Variants in RYR2 observed in about 807,000 individuals in gnomAD.
The protein encoded by RYR2 is ryanodine receptor 2, also known as cardiac muscle ryanodine receptor-calcium release channel.
A neutral mutation model predicts 601.1 loss-of-function variants in RYR2; 227 were observed. That is an observed-to-expected ratio of 0.38 (90% CI 0.34 to 0.42). The LOEUF (loss-of-function observed/expected upper bound fraction) is 0.42, where lower values mean the gene tolerates loss of function less well. Ranked by LOEUF, RYR2 falls within the 10% of genes least tolerant of loss-of-function variation. The probability of loss-of-function intolerance (pLI) is 1.00; values close to 1 mark genes in which losing one functional copy is unlikely to be tolerated. For missense variants in RYR2, 4,646 were observed against 6,156.5 expected, an observed-to-expected ratio of 0.75 and a Z score of 8.21; for synonymous variants, 2,223 against 2,175.1, an observed-to-expected ratio of 1.02 and a Z score of -0.61.
intron 80 of RYR2, among the ~76,000 whole-genome samples, chr1:237,747,785 G>C (rs958716307): frequency 2.0e-5 from 3 of 152,084 alleles, no homozygotes; most frequent in African/African-American, 7.2e-5. Flanking sequence ...AAAAATTAAA[G>C]ATATAGCTAC....
chr1:237,251,062 GTA>G (rs1491435765), intron 1 of RYR2, among the ~76,000 whole-genome samples: 3,205 of 76,650 alleles, frequency 0.042, 138 homozygotes, highest in East Asian at 0.33. Context: ...GTGTGTGTGT[GTA>G]TGCATATAGA....
intron 12 of RYR2, among the ~76,000 whole-genome samples, chr1:237,430,916 G>C (rs1706741119): frequency 6.6e-6 from 1 of 152,164 alleles, no homozygotes; most frequent in Non-Finnish European, 1.5e-5. Context: ...TGTGATTTCT[G>C]CTCAGGGATT....
intron 35 of RYR2, among the ~76,000 whole-genome samples, chr1:237,606,634 C>T (rs542302690): frequency 2.6e-5 from 4 of 152,166 alleles, no homozygotes; most frequent in Non-Finnish European, 5.9e-5. Flanking sequence ...AACAGGAAAC[C>T]TACAGAATGG....
chr1:237,474,429 G>C (rs145506194), intron 17 of RYR2, among the ~76,000 whole-genome samples: 1 of 151,828 alleles, frequency 6.6e-6, no homozygotes, highest in East Asian at 2.0e-4. Context: ...TTCTATATAT[G>C]CCTGGGACCA....
chr1:237,559,198 C>T (rs973194094), intron 27 of RYR2, among the ~76,000 whole-genome samples: 1 of 152,022 alleles, frequency 6.6e-6, no homozygotes, highest in African/African-American at 2.4e-5. Flanking sequence ...TAACTAAAGG[C>T]TGGCCAAAAT....
chr1:237,530,684 T>A (rs1668055146), intron 25 of RYR2, among the ~76,000 whole-genome samples, 174 bp downstream of exon 25: 1 of 152,020 alleles, frequency 6.6e-6, no homozygotes, highest in Non-Finnish European at 1.5e-5. Flanking sequence ...CCAAGGCAGG[T>A]GGATCACCTG....
At chr1:237,560,360 C>A (rs1481029922) in intron 27 of RYR2, among the ~76,000 whole-genome samples, 1 of 152,238 alleles carries the variant, frequency 6.6e-6, no homozygotes, top group Non-Finnish European at 1.5e-5. Context: ...ACTATTTGCA[C>A]TGGGCAAGCT....
chr1:237,756,472 C>G, intron 81 of RYR2, 85 bp downstream of exon 81: 1 of 835,942 alleles, frequency 1.2e-6, no homozygotes, highest in Non-Finnish European at 1.9e-6. Flanking sequence ...TTCAATTCCA[C>G]TGACTCATTT....
intron 20 of RYR2, among the ~76,000 whole-genome samples, chr1:237,499,535 C>G (rs993025954): frequency 1.3e-5 from 2 of 152,064 alleles, no homozygotes; most frequent in African/African-American, 2.4e-5. Flanking sequence ...AAACAAGAAA[C>G]TAGACCTTTT....
intron 77 of RYR2, 128 bp from the exon 78 acceptor site, chr1:237,731,918 A>ACACACACACACC (rs753519564): frequency 7.4e-5 from 45 of 607,174 alleles, no homozygotes; most frequent in African/African-American, 1.9e-4. Context: ...ACACACACAC[A>ACACACACACACC]CCCCACAACA....
chr1:237,498,297 C>T (rs1664284501), intron 20 of RYR2, among the ~76,000 whole-genome samples: 1 of 152,108 alleles, frequency 6.6e-6, no homozygotes, highest in Admixed American at 6.6e-5. Flanking sequence ...CTGCTTTGTA[C>T]AAAGGCGACC....
At chr1:237,227,463 G>T (rs1288632429) in intron 1 of RYR2, among the ~76,000 whole-genome samples, 1 of 152,166 alleles carries the variant, frequency 6.6e-6, no homozygotes, top group African/African-American at 2.4e-5. Flanking sequence ...GGTAGATTCA[G>T]TTTGCTGATG....
intron 25 of RYR2, among the ~76,000 whole-genome samples, chr1:237,542,134 C>T (rs1248343231): frequency 6.6e-6 from 1 of 151,706 alleles, no homozygotes; most frequent in Non-Finnish European, 1.5e-5. Flanking sequence ...ACTCTTGTTG[C>T]CCAGGCTGGA....
intron 1 of RYR2, among the ~76,000 whole-genome samples, chr1:237,190,975 A>G (rs1173771492): frequency 1.3e-5 from 2 of 152,236 alleles, no homozygotes; most frequent in Non-Finnish European, 2.9e-5. Flanking sequence ...TGTCGTATCC[A>G]AGAAATCATT....
intron 73 of RYR2, among the ~76,000 whole-genome samples, chr1:237,722,457 G>A (rs1189656946): frequency 6.9e-6 from 1 of 144,600 alleles, no homozygotes; most frequent in Non-Finnish European, 1.5e-5. Flanking sequence ...TTTTTGAGAT[G>A]GAGTCTCGCT....
Position 237,481,120 on chromosome 1 carries a change from A to ATATATATATG in RYR2, c.1709-10680_1709-10679insTATGTATATA, listed in dbSNP as rs1553467466. Among the ~76,000 whole-genome samples the ATATATATATG allele has an allele frequency of 2.3e-3, 342 of 147,878 alleles. 3 individuals carry two copies. Among genetic ancestry groups the ATATATATATG allele is most frequent in the African/African-American group, 8.1e-3 (325 of 39,988 alleles). On this transcript the variant is annotated intron_variant, in intron 17 of 104. Transcript: ENST00000366574. ...AGTGTATATATACATATATATATAT[A>ATATATATATG]TATATACACACACATATATATATTC...
chr1:237,702,023 A>G lies in RYR2; in HGVS notation c.9413A>G (p.Tyr3138Cys), dbSNP rs1558249723. ...TGTTATAGAATTCTGACTAGCTTAT[A>G]TGCTTTGGGAACCAGCAAGAGTATT... ...VSCYRILTSL[Y>C]ALGTSKSIYV... The change falls in exon 66 of 105, where the codon TAT becomes TGT. Residue 3138 changes from tyrosine to cysteine, a missense_variant. By Grantham distance (194) the Tyr-to-Cys change is radical. Around this residue, in one of 17 missense-constraint regions of RYR2, gnomAD observed 1,497 missense variants for 1,842.6 expected, o/e 0.81. Coordinates refer to ENST00000366574, the MANE Select transcript of RYR2 (RefSeq NM_001035.3). 1.2e-6 allele frequency: 2 copies of G among 1,608,282 alleles called. No homozygotes were observed. Among genetic ancestry groups the G allele is most frequent in the Non-Finnish European group, 8.5e-7 (1 of 1,174,936 alleles).
intron 16 of RYR2, among the ~76,000 whole-genome samples, chr1:237,467,697 C>A (rs1033207579): frequency 1.3e-5 from 2 of 152,018 alleles, no homozygotes; most frequent in African/African-American, 4.8e-5. Context: ...AACTTTATTT[C>A]TTTATTTTTG....
At chr1:237,448,215 C>T (rs367960564) in intron 14 of RYR2, among the ~76,000 whole-genome samples, 7 of 152,226 alleles carry the variant, frequency 4.6e-5, no homozygotes, top group Non-Finnish European at 1.0e-4. Flanking sequence ...GCGTGAGGCA[C>T]CACACCCGGC....
Sources: allele counts gnomAD v4.1 joint callset (sites outside exome capture counted in the v4.1 genomes callset), GRCh38; gene constraint gnomAD v4.1.1; regional missense constraint gnomAD v4.1.1; transcripts MANE v1.5; gene names NCBI Gene and HGNC (gene_info 2026-07-23, HGNC 2026-07-21).